The following COLEC10 variants were observed in gnomAD, a reference collection of about 807,000 sequenced individuals.
COLEC10 encodes collectin-10.
COLEC10 carries 22 observed loss-of-function variants against 28.4 expected under a neutral mutation model. The observed-to-expected ratio is 0.78, with a 90% CI of 0.55 to 1.11. The LOEUF (loss-of-function observed/expected upper bound fraction) is 1.11. Among genes scored for constraint, COLEC10 ranks in the 50% least tolerant of loss-of-function variants. The pLI is 0.00. For missense variants in COLEC10, 361 were observed against 344.1 expected, an observed-to-expected ratio of 1.05 and a Z score of -0.39; for synonymous variants, 125 against 116.1, an observed-to-expected ratio of 1.08 and a Z score of -0.49.
At chr8:118,955,562 A>G in the COLEC10 span, among the ~76,000 whole-genome samples, 2 of 152,242 alleles carry the variant, frequency 1.3e-5, no homozygotes, top group African/African-American at 2.4e-5. Context: ...ACACAAATAT[A>G]TAAACAAGAC....
intron 1 of COLEC10, among the ~76,000 whole-genome samples, chr8:119,088,725 C>A (rs1003956703): frequency 2.6e-5 from 4 of 152,130 alleles, no homozygotes; most frequent in African/African-American, 9.7e-5. Context: ...CACGTGCTCA[C>A]CTTGTTGATC....
chr8:119,107,783 C>A lies in COLEC10; in HGVS notation c.*1592C>A, dbSNP rs1046118448. On this transcript the variant is annotated 3_prime_UTR_variant, in exon 6 of 6. Transcript: ENST00000332843. ...GGCTGCTGCTGGTGCTAGGGAGGAC[C>A]CAATCTTGCTAAATGTGCTGATATT... Among the ~76,000 whole-genome samples, 7 of 152,058 alleles carry A rather than the reference C, an allele frequency of 4.6e-5. No homozygotes were observed. The highest frequency in any genetic ancestry group is 1.4e-4 in the African/African-American group (6 of 41,406).
the COLEC10 span, among the ~76,000 whole-genome samples, chr8:118,990,082 T>TC: frequency 0.068 from 10,266 of 152,030 alleles, 608 homozygotes; most frequent in East Asian, 0.17. Context: ...GTACGTAATT[T>TC]CAAATCACTA....
At chr8:119,104,967 G>A (rs1042768985) in intron 5 of COLEC10, among the ~76,000 whole-genome samples, 4 of 152,130 alleles carry the variant, frequency 2.6e-5, no homozygotes, top group Non-Finnish European at 5.9e-5. Context: ...TATGAGAGAA[G>A]GGTGATTCTC....
At chr8:119,006,034 C>T (rs1244544549) in intron 1 of COLEC10, among the ~76,000 whole-genome samples, 1 of 152,060 alleles carries the variant, frequency 6.6e-6, no homozygotes, top group East Asian at 1.9e-4. Flanking sequence ...TCATCAGTAT[C>T]CTATGTGAAC....
chr8:119,010,569 A>G (rs181159505), intron 2 of COLEC10, among the ~76,000 whole-genome samples: 2 of 151,146 alleles, frequency 1.3e-5, no homozygotes, highest in African/African-American at 4.9e-5. Context: ...TTATATTTGT[A>G]TGACACTGAC....
intron 2 of COLEC10, among the ~76,000 whole-genome samples, chr8:119,046,694 T>A (rs1395371771): frequency 6.6e-6 from 1 of 151,604 alleles, no homozygotes; most frequent in Admixed American, 6.5e-5. Flanking sequence ...TTCTTCCAAA[T>A]GTGAAAAAAA....
intron 2 of COLEC10, among the ~76,000 whole-genome samples, chr8:119,038,670 G>A (rs898153836): frequency 6.6e-6 from 1 of 152,168 alleles, no homozygotes; most frequent in African/African-American, 2.4e-5. Context: ...TATCTAAATG[G>A]TAATGTAACT....
intron 2 of COLEC10, among the ~76,000 whole-genome samples, chr8:119,013,398 G>C (rs1468740857): frequency 6.6e-6 from 1 of 150,558 alleles, no homozygotes; most frequent in Non-Finnish European, 1.5e-5. Flanking sequence ...TTATCTTGGT[G>C]AATGTTCCAA....
intron 1 of COLEC10, among the ~76,000 whole-genome samples, chr8:119,002,931 C>A (rs1288170177): frequency 6.6e-6 from 1 of 152,040 alleles, no homozygotes; most frequent in African/African-American, 2.4e-5. Context: ...AACTGAGTAA[C>A]CTTGGACAAA....
the COLEC10 span, among the ~76,000 whole-genome samples, chr8:118,954,653 A>G: frequency 6.6e-6 from 1 of 152,204 alleles, no homozygotes; most frequent in African/African-American, 2.4e-5. Context: ...TCTAGGGGAC[A>G]CCTCATCAGA....
At chr8:119,036,000 C>T (rs1814383062) in intron 2 of COLEC10, among the ~76,000 whole-genome samples, 1 of 152,064 alleles carries the variant, frequency 6.6e-6, no homozygotes, top group Non-Finnish European at 1.5e-5. Context: ...ATCAGACCTC[C>T]TCTATTAGGC....
At chr8:119,032,085 T>G (rs1430605733) in intron 2 of COLEC10, among the ~76,000 whole-genome samples, 3 of 152,226 alleles carry the variant, frequency 2.0e-5, no homozygotes, top group Non-Finnish European at 4.4e-5. Flanking sequence ...GTCAAGAGGT[T>G]AGTCAGGACT....
chr8:119,080,227 T>C (rs1423295060), intron 1 of COLEC10, among the ~76,000 whole-genome samples: 1 of 152,068 alleles, frequency 6.6e-6, no homozygotes, highest in Admixed American at 6.6e-5. Context: ...TGGGCATAGA[T>C]CATATCTTGT....
chr8:119,045,370 A>G (rs969336384), intron 2 of COLEC10, among the ~76,000 whole-genome samples: 2 of 152,224 alleles, frequency 1.3e-5, no homozygotes, highest in Non-Finnish European at 2.9e-5. Context: ...GGCATGACCA[A>G]TTGGCTGAAT....
chr8:119,066,485 AT>A (rs529108793), upstream of COLEC10, among the ~76,000 whole-genome samples: 353 of 152,250 alleles, frequency 2.3e-3, 1 homozygote, highest in Non-Finnish European at 4.1e-3. Context: ...TTTTAATAAA[AT>A]TGTCATGTCA....
the COLEC10 span, among the ~76,000 whole-genome samples, chr8:118,965,296 C>G: frequency 1.3e-5 from 2 of 152,042 alleles, no homozygotes; most frequent in Non-Finnish European, 2.9e-5. Flanking sequence ...TTCTACCTTT[C>G]TTTTGTCACC....
chr8:118,970,698 C>T, the COLEC10 span, among the ~76,000 whole-genome samples: 1 of 151,462 alleles, frequency 6.6e-6, no homozygotes, highest in South Asian at 2.1e-4. Flanking sequence ...CATTAGAAAG[C>T]ATTGTGGCTC....
intron 2 of COLEC10, among the ~76,000 whole-genome samples, chr8:119,017,946 T>C (rs193262679): frequency 4.5e-4 from 68 of 152,308 alleles, no homozygotes; most frequent in African/African-American, 1.6e-3. Flanking sequence ...ATCGAATTCA[T>C]GAGTTTTCCT....
Sources: allele counts gnomAD v4.1 joint callset (sites outside exome capture counted in the v4.1 genomes callset), GRCh38; gene constraint gnomAD v4.1.1; transcripts MANE v1.5; gene names NCBI Gene and HGNC (gene_info 2026-07-23, HGNC 2026-07-21).